Variants in TMC1 observed in about 807,000 individuals in gnomAD.
TMC1 encodes transmembrane channel-like protein 1.
Under a neutral mutation model 105.8 loss-of-function variants are expected in TMC1, and 84 were observed. That is an observed-to-expected ratio of 0.79 (90% CI 0.67 to 0.95). The LOEUF is 0.95. TMC1 is among the 40% of genes least tolerant of loss of function. The pLI, the probability that TMC1 is intolerant of heterozygous loss-of-function variation, is 0.00. For synonymous variants in TMC1, 315 were observed against 311.5 expected (o/e 1.01, Z -0.12); for missense variants, 817 against 914.1 (o/e 0.89, Z 1.37).
chr9:72,524,900 G>A (rs1045415345), intron 1 of TMC1, among the ~76,000 whole-genome samples: 2 of 152,158 alleles, frequency 1.3e-5, no homozygotes, highest in Non-Finnish European at 2.9e-5. Context: ...TGGTGGACAC[G>A]AGGATATACT....
chr9:72,788,221 A>G, intron 13 of TMC1, 118 bp from the exon 14 acceptor site: 1 of 1,095,070 alleles, frequency 9.1e-7, no homozygotes, highest in East Asian at 2.5e-5. Flanking sequence ...CAAACTTGTT[A>G]TAAAATATAT....
intron 12 of TMC1, among the ~76,000 whole-genome samples, chr9:72,768,712 G>T (rs1018881646): frequency 2.0e-5 from 3 of 152,166 alleles, no homozygotes; most frequent in African/African-American, 7.2e-5. Context: ...TATGTTGAAT[G>T]GTACCTATGC....
chr9:72,769,815 G>C (rs1292235079), intron 12 of TMC1, among the ~76,000 whole-genome samples: 1 of 152,174 alleles, frequency 6.6e-6, no homozygotes, highest in Non-Finnish European at 1.5e-5. Flanking sequence ...GAAAAACAGA[G>C]ACATTTGGAA....
intron 1 of TMC1, among the ~76,000 whole-genome samples, chr9:72,542,106 T>C (rs1462991522): frequency 6.6e-6 from 1 of 152,018 alleles, no homozygotes; most frequent in Non-Finnish European, 1.5e-5. Flanking sequence ...GGTGGATCAC[T>C]TGAGGCCAGA....
chr9:72,737,002 C>G (rs1444776342), intron 8 of TMC1, among the ~76,000 whole-genome samples: 1 of 152,132 alleles, frequency 6.6e-6, no homozygotes, highest in African/African-American at 2.4e-5. Context: ...ACCTAACGTT[C>G]CCTGTGGAAG....
intron 8 of TMC1, among the ~76,000 whole-genome samples, chr9:72,703,085 TTTTC>T (rs1286044183): frequency 1.3e-5 from 2 of 152,018 alleles, no homozygotes; most frequent in Non-Finnish European, 2.9e-5. Flanking sequence ...ATGAAATCGA[TTTTC>T]TTTATCATAA....
intron 6 of TMC1, among the ~76,000 whole-genome samples, chr9:72,693,953 C>T (rs992140930): frequency 1.3e-5 from 2 of 150,990 alleles, no homozygotes; most frequent in Non-Finnish European, 3.0e-5. Context: ...AATGTGTATA[C>T]TACTTTTTTT....
chr9:72,674,294 A>C (rs879407527), intron 5 of TMC1, among the ~76,000 whole-genome samples: 1 of 151,446 alleles, frequency 6.6e-6, no homozygotes, highest in Non-Finnish European at 1.5e-5. Context: ...GCTAATCCTA[A>C]AATTTATATG....
chr9:72,697,827 A>G (rs888101190), intron 7 of TMC1, among the ~76,000 whole-genome samples: 33 of 152,150 alleles, frequency 2.2e-4, no homozygotes, highest in African/African-American at 7.2e-4. Context: ...ATTATTAATC[A>G]TAAAGATTTT....
chr9:72,718,868 G>A (rs1426723189), intron 8 of TMC1, among the ~76,000 whole-genome samples: 2 of 152,180 alleles, frequency 1.3e-5, no homozygotes, highest in Non-Finnish European at 2.9e-5. Context: ...CTCTCCTTGT[G>A]TGGGGCTTGC....
At chr9:72,688,274 A>G (rs1044028230) in intron 5 of TMC1, among the ~76,000 whole-genome samples, 8 of 152,182 alleles carry the variant, frequency 5.3e-5, no homozygotes, top group Non-Finnish European at 7.4e-5. Flanking sequence ...GGAATAAATT[A>G]TTCTCTATTT....
chr9:72,598,823 C>A (rs1251777352), intron 2 of TMC1, among the ~76,000 whole-genome samples: 1 of 152,156 alleles, frequency 6.6e-6, no homozygotes, highest in Middle Eastern at 3.2e-3. Flanking sequence ...GGACTTGTTT[C>A]TCTCCTTTTC....
intron 17 of TMC1, among the ~76,000 whole-genome samples, chr9:72,803,157 T>G (rs1167096205): frequency 3.3e-5 from 5 of 152,204 alleles, no homozygotes; most frequent in Admixed American, 6.5e-5. Flanking sequence ...TAATAAATGA[T>G]GCTAAGAAAA....
chr9:72,747,192 T>A (rs972821425), intron 10 of TMC1, among the ~76,000 whole-genome samples: 1 of 152,204 alleles, frequency 6.6e-6, no homozygotes, highest in Non-Finnish European at 1.5e-5. Flanking sequence ...GCTTAAACCT[T>A]ATGTTTCCTT....
chr9:72,602,777 T>C (rs907266513), intron 2 of TMC1, among the ~76,000 whole-genome samples: 1 of 152,204 alleles, frequency 6.6e-6, no homozygotes, highest in Non-Finnish European at 1.5e-5. Context: ...ATTGCCTTTT[T>C]CTGAGATGAA....
intron 1 of TMC1, among the ~76,000 whole-genome samples, chr9:72,572,797 C>T (rs1311268850): frequency 1.3e-5 from 2 of 151,898 alleles, no homozygotes; most frequent in East Asian, 1.9e-4. Flanking sequence ...TTGAGACCAG[C>T]CTGGCCAAAC....
Position 72,788,429 on chromosome 9 carries a change from C to A in TMC1, c.975C>A (p.Ile325=), listed in dbSNP as rs1268854638. ...TCTTTACCAGCTGGGACTACCTGAT[C>A]GGCAATCCTGAAACAGCAGACAACA... ...WKVFTSWDYL[I]GNPETADNKF... Residue 325 remains isoleucine (I), a synonymous_variant, in exon 14 of 24, where the codon ATC becomes ATA. Transcript: ENST00000297784. The A allele has an allele frequency of 6.2e-7, 1 of 1,613,926 alleles. No homozygotes were observed. Among genetic ancestry groups the A allele is most frequent in the Admixed American group, 1.7e-5 (1 of 60,010 alleles).
intron 4 of TMC1, among the ~76,000 whole-genome samples, chr9:72,630,091 C>G (rs1185827448): frequency 6.6e-6 from 1 of 152,078 alleles, no homozygotes; most frequent in Admixed American, 6.5e-5. Flanking sequence ...GTCTCGAACT[C>G]CTGACCTCAG....
intron 21 of TMC1, among the ~76,000 whole-genome samples, chr9:72,829,958 AT>A (rs1829014802): frequency 6.6e-6 from 1 of 152,216 alleles, no homozygotes; most frequent in African/African-American, 2.4e-5. Context: ...AAAAAATTCC[AT>A]GTTCATTATC....
Sources: allele counts gnomAD v4.1 joint callset (sites outside exome capture counted in the v4.1 genomes callset), GRCh38; gene constraint gnomAD v4.1.1; transcripts MANE v1.5; gene names NCBI Gene and HGNC (gene_info 2026-07-23, HGNC 2026-07-21).